DGKD: variants seen among roughly 807,000 people sequenced by gnomAD.
DGKD encodes diacylglycerol kinase delta.
DGKD carries 68 observed loss-of-function variants against 154.4 expected under a neutral mutation model. That is an observed-to-expected ratio of 0.44 (90% CI 0.36 to 0.54). The LOEUF is 0.54. DGKD is among the 20% of genes least tolerant of loss of function. The pLI is 0.00. For missense variants in DGKD, 1,343 were observed against 1,593.6 expected (o/e 0.84, Z 2.68); for synonymous variants, 693 against 638.0 (o/e 1.09, Z -1.30).
chr2:233,453,846 C>T (rs1185866962), intron 18 of DGKD, among the ~76,000 whole-genome samples: 1 of 152,230 alleles, frequency 6.6e-6, no homozygotes, highest in Admixed American at 6.5e-5. Flanking sequence ...TGAGTCTCTT[C>T]TCGTCTGTCG....
At chr2:233,422,434 T>A (rs1052785600) in intron 3 of DGKD, among the ~76,000 whole-genome samples, 1 of 152,220 alleles carries the variant, frequency 6.6e-6, no homozygotes, top group African/African-American at 2.4e-5. Flanking sequence ...CACTCCTGCG[T>A]GTGCTTGGAC....
At chr2:233,394,787 A>G (rs1201085459) in intron 3 of DGKD, among the ~76,000 whole-genome samples, 1 of 137,458 alleles carries the variant, frequency 7.3e-6, no homozygotes, top group Admixed American at 8.5e-5. Context: ...AGCTCACTGC[A>G]GCCTCAAACT....
At chr2:233,463,647 G>A (rs886458627) in intron 26 of DGKD, among the ~76,000 whole-genome samples, 3 of 139,420 alleles carry the variant, frequency 2.2e-5, no homozygotes, top group African/African-American at 5.8e-5. Context: ...CTCACTCCAC[G>A]CATGTCCTCA....
intron 12 of DGKD, chr2:233,447,764 C>G: frequency 9.0e-7 from 1 of 1,113,282 alleles, no homozygotes; most frequent in East Asian, 7.3e-5. Flanking sequence ...AGCCGACCCG[C>G]CAGCATGCCG....
chr2:233,427,621 C>T (rs1260776668), intron 3 of DGKD, among the ~76,000 whole-genome samples: 4 of 152,176 alleles, frequency 2.6e-5, no homozygotes, highest in African/African-American at 9.7e-5. Context: ...AGATTATAGG[C>T]GTAAGCCACT....
At chr2:233,450,895 G>C in intron 16 of DGKD, 27 bp from the exon 17 acceptor site, 1 of 1,587,806 alleles carries the variant, frequency 6.3e-7, no homozygotes, top group Non-Finnish European at 8.6e-7. Flanking sequence ...CCACACAGCT[G>C]TAAGGTTTTC....
At chr2:233,451,077 G>A (rs2063271231) in intron 17 of DGKD, 27 bp downstream of exon 17, 1 of 1,590,712 alleles carries the variant, frequency 6.3e-7, no homozygotes. Flanking sequence ...AGGAGGGACT[G>A]GTGGGGGCCC....
chr2:233,470,944 G>C lies in DGKD; in HGVS notation c.*1484G>C, dbSNP rs911171482. The C allele has an allele frequency of 1.3e-5, 2 of 152,548 alleles. No homozygotes were observed. Among genetic ancestry groups the C allele is most frequent in the African/African-American group, 4.8e-5 (2 of 41,458 alleles). The allele number at this position is 152,548 out of a possible 1,614,324, so 9.4% of individuals were successfully genotyped here. Reference sequence around the variant, plus strand: ...TCAGCGTCACTCCATCTGATGTGCAGAAGCTGGGCTGCACCTGCGGGGGTG... The same window carrying C: ...TCAGCGTCACTCCATCTGATGTGCACAAGCTGGGCTGCACCTGCGGGGGTG... On this transcript the variant is annotated 3_prime_UTR_variant, in exon 30 of 30. Coordinates refer to ENST00000264057, the MANE Select transcript of DGKD (RefSeq NM_152879.3).
intron 3 of DGKD, among the ~76,000 whole-genome samples, chr2:233,397,832 A>G (rs1006565594): frequency 6.6e-6 from 1 of 151,672 alleles, no homozygotes; most frequent in Non-Finnish European, 1.5e-5. Flanking sequence ...GCTAGTGATC[A>G]GGTCAGAAGG....
intron 3 of DGKD, among the ~76,000 whole-genome samples, chr2:233,402,105 C>G (rs1198826043): frequency 6.6e-6 from 1 of 152,026 alleles, no homozygotes; most frequent in Non-Finnish European, 1.5e-5. Flanking sequence ...GCCCTGGTCT[C>G]TGGGGGTCTG....
chr2:233,441,441 T>G lies in DGKD; in HGVS notation c.1086-446T>G, dbSNP rs1401188642. ...TGCCAAGACTGAGGGTGCAGGGTGA[T>G]GCAGGCAGCCCAGAGGGCATGCTGG... On this transcript the variant is annotated intron_variant, in intron 9 of 29. Transcript: ENST00000264057. This position sits in a 1 kb window ranked among gnomAD's most constrained non-coding sequence, Gnocchi z 5.6. 6.6e-6 allele frequency among the ~76,000 whole-genome samples: 1 copy of G among 152,032 alleles called. No individual in the cohort carries two copies. Among genetic ancestry groups the G allele is most frequent in the African/African-American group, 2.4e-5 (1 of 41,386 alleles).
intron 3 of DGKD, among the ~76,000 whole-genome samples, chr2:233,433,735 C>T (rs1053098980): frequency 7.9e-5 from 12 of 152,096 alleles, no homozygotes; most frequent in Middle Eastern, 3.4e-3. Flanking sequence ...TTAAAAAGAA[C>T]GTTGATGTAT....
intron 7 of DGKD, among the ~76,000 whole-genome samples, chr2:233,437,045 T>G (rs1008556028): frequency 7.2e-5 from 11 of 152,212 alleles, no homozygotes; most frequent in African/African-American, 2.7e-4. Flanking sequence ...TAGAGGCACA[T>G]GGCCCCAGGA....
chr2:233,452,009 T>C lies in DGKD; in HGVS notation c.2213T>C (p.Ile738Thr). The change falls in exon 18 of 30, where the codon ATC (isoleucine) becomes ACC (threonine). Residue 738 changes from isoleucine (I) to threonine (T), a missense_variant. Around this residue, in one of 6 missense-constraint regions of DGKD, gnomAD observed 409 missense variants for 446.0 expected, o/e 0.92. Coordinates refer to ENST00000264057, the MANE Select transcript of DGKD (RefSeq NM_152879.3). The surrounding 1 kb of genome is among the most constrained non-coding windows in gnomAD (Gnocchi z 4.0). The stretch of plus-strand genomic sequence containing the variant: ...GGTTCCTTACCCGGTGGCTCAGTCA[T>C]CAGTCGCCTGTTAATTAATGCTGAT... ...MSGSLPGGSVISRLLINADPF... is the reference protein window; with the variant it reads ...MSGSLPGGSVTSRLLINADPF... 6.2e-7 allele frequency: 1 copy of C among 1,614,086 alleles called. No individual in the cohort carries two copies. The highest frequency in any genetic ancestry group is 1.7e-5 in the Admixed American group (1 of 60,014).
At chr2:233,396,927 TG>T (rs1416729243) in intron 3 of DGKD, among the ~76,000 whole-genome samples, 1 of 96,624 alleles carries the variant, frequency 1.0e-5, no homozygotes, top group African/African-American at 4.2e-5. Context: ...CCAGCGTGGC[TG>T]GGGGGGGCCA....
At position 233,469,948 on chromosome 2, in the gene DGKD, T is replaced by C. The variant is rs1361663228; in HGVS notation, c.*488T>C. ...ACAGCAGCCTGCAAGGGCCCCTGTT[T>C]GTTGATGCAGCTTTTGTTGAACAAA... is the stretch of plus-strand genomic sequence containing the variant. On this transcript the variant is annotated 3_prime_UTR_variant, in exon 30 of 30. Coordinates refer to ENST00000264057, the MANE Select transcript of DGKD (RefSeq NM_152879.3). 1 of 152,294 alleles carries C rather than the reference T, an allele frequency of 6.6e-6. No homozygotes were observed. Among genetic ancestry groups the C allele is most frequent in the African/African-American group, 2.5e-5 (1 of 40,502 alleles). 9.4% of individuals were successfully genotyped at this position (152,294 alleles called of 1,614,324 possible). A position where few individuals can be genotyped will look rare whatever the true frequency, so the allele number is the denominator to read the frequency against.
intron 1 of DGKD, among the ~76,000 whole-genome samples, chr2:233,386,864 G>A (rs1360280982): frequency 2.0e-5 from 3 of 152,228 alleles, no homozygotes; most frequent in South Asian, 2.1e-4. Flanking sequence ...GGAAGTGGTC[G>A]TGAGTGCAGC....
chr2:233,457,212 G>A lies in DGKD; in HGVS notation c.2473-9G>A, dbSNP rs761916627. ...CTCTTTTCTTTTGTTCTGTGTCTCT[G>A]CTGCTCAGTGTGACGGGCGACCCAT... On this transcript the variant is annotated splice_polypyrimidine_tract_variant and intron_variant, in intron 20 of 29. Coordinates refer to ENST00000264057, the MANE Select transcript of DGKD (RefSeq NM_152879.3). This position sits in a 1 kb window ranked among gnomAD's most constrained non-coding sequence, Gnocchi z 5.5. 2.0e-6 allele frequency: 3 copies of A among 1,510,484 alleles called. No homozygotes were observed. Among genetic ancestry groups the A allele is most frequent in the Admixed American group, 4.4e-5 (2 of 44,958 alleles). 93.6% of individuals were successfully genotyped at this position (1,510,484 alleles called of 1,614,324 possible). A position where few individuals can be genotyped will look rare whatever the true frequency, so the allele number is the denominator to read the frequency against.
intron 1 of DGKD, among the ~76,000 whole-genome samples, chr2:233,366,599 A>T (rs571308676): frequency 6.6e-6 from 1 of 152,316 alleles, no homozygotes; most frequent in East Asian, 1.9e-4. Flanking sequence ...CAGTTTTGCC[A>T]ATGAACGACA....
Sources: allele counts gnomAD v4.1 joint callset (sites outside exome capture counted in the v4.1 genomes callset), GRCh38; gene constraint gnomAD v4.1.1; regional missense constraint gnomAD v4.1.1; non-coding constraint Gnocchi (gnomAD v3.1); transcripts MANE v1.5; gene names NCBI Gene and HGNC (gene_info 2026-07-23, HGNC 2026-07-21).